The following RMDN2 variants were observed in gnomAD, a reference collection of about 807,000 sequenced individuals.
RMDN2 encodes regulator of microtubule dynamics 2, also known as regulator of microtubule dynamics protein 2.
A neutral mutation model predicts 52.8 loss-of-function variants in RMDN2; 61 were observed. That is an observed-to-expected ratio of 1.16 (90% CI 0.94 to 1.43). The LOEUF is 1.43. Ranked by LOEUF, RMDN2 falls within the 40% of genes most tolerant of loss-of-function variation. The pLI, the probability that RMDN2 is intolerant of heterozygous loss-of-function variation, is 0.00. For synonymous variants in RMDN2, 180 were observed against 153.1 expected (o/e 1.18, Z -1.30); for missense variants, 592 against 475.3 (o/e 1.25, Z -2.28).
intron 2 of RMDN2, chr2:37,950,360 A>G (rs887320998): frequency 7.6e-6 from 10 of 1,316,002 alleles, no homozygotes; most frequent in African/African-American, 5.8e-5. Flanking sequence ...GTGAATTCCA[A>G]CTTCGGAGAA....
chr2:37,947,174 G>A (rs1572740341), intron 2 of RMDN2, among the ~76,000 whole-genome samples: 1 of 151,888 alleles, frequency 6.6e-6, no homozygotes, highest in East Asian at 1.9e-4. Context: ...TACCTGTTAG[G>A]TAGTTTCTCA....
chr2:37,997,599 C>G, intron 8 of RMDN2, 85 bp downstream of exon 8: 1 of 896,132 alleles, frequency 1.1e-6, no homozygotes, highest in East Asian at 2.4e-5. Context: ...GAAATCTTTT[C>G]TCCATGTGGA....
chr2:38,004,102 A>G, intron 9 of RMDN2, 34 bp from the exon 10 acceptor site: 1 of 1,607,622 alleles, frequency 6.2e-7, no homozygotes, highest in Non-Finnish European at 8.5e-7. Context: ...ATAAAAACGG[A>G]TTATGTTTAA....
At chr2:37,950,442 G>GTGTTGACATGTTAACTGTTATTGCCA in intron 2 of RMDN2, 3 of 1,609,000 alleles carry the variant, frequency 1.9e-6, no homozygotes, top group Non-Finnish European at 2.5e-6. Flanking sequence ...ATCACATTCT[G>GTGTTGACATGTTAACTGTTATTGCCA]TGTTATTGCC....
intron 7 of RMDN2, among the ~76,000 whole-genome samples, chr2:37,994,217 G>A (rs1469025229): frequency 6.6e-6 from 1 of 152,220 alleles, no homozygotes; most frequent in Non-Finnish European, 1.5e-5. Context: ...TTTTGGAAAT[G>A]TGGGATACAG....
At chr2:38,015,033 T>C (rs1678552276) in intron 10 of RMDN2, among the ~76,000 whole-genome samples, 1 of 152,250 alleles carries the variant, frequency 6.6e-6, no homozygotes. Context: ...TGTTTAAATA[T>C]TTAAGACTTG....
chr2:38,009,742 G>A (rs530536492), intron 10 of RMDN2, among the ~76,000 whole-genome samples: 14 of 152,110 alleles, frequency 9.2e-5, no homozygotes, highest in African/African-American at 2.4e-4. Context: ...GCTTTGTTCC[G>A]TTGCTGGTGA....
At chr2:37,947,634 A>G (rs916345937) in intron 2 of RMDN2, among the ~76,000 whole-genome samples, 7 of 152,182 alleles carry the variant, frequency 4.6e-5, no homozygotes, top group African/African-American at 1.4e-4. Context: ...GGCACATTTG[A>G]TAAACTATAA....
At chr2:37,925,160 G>A (rs1666162994), upstream of RMDN2, among the ~76,000 whole-genome samples, 2 of 152,284 alleles carry the variant, frequency 1.3e-5, no homozygotes, top group East Asian at 1.9e-4. Context: ...GCCCCGCGAC[G>A]TGCAATTTTA....
chr2:38,019,824 C>G (rs1679203413), downstream of RMDN2, among the ~76,000 whole-genome samples: 1 of 152,030 alleles, frequency 6.6e-6, no homozygotes, highest in Non-Finnish European at 1.5e-5. Flanking sequence ...ACTTGGGAGG[C>G]TGAGGTGGGA....
chr2:37,942,316 A>G (rs937513993), intron 2 of RMDN2, among the ~76,000 whole-genome samples: 1 of 152,056 alleles, frequency 6.6e-6, no homozygotes, highest in South Asian at 2.1e-4. Context: ...GTCTTGCTGG[A>G]TGCTGCAGAC....
downstream of RMDN2, among the ~76,000 whole-genome samples, chr2:38,018,328 AAG>A (rs1160119641): frequency 4.6e-5 from 7 of 152,348 alleles, no homozygotes; most frequent in African/African-American, 1.7e-4. Context: ...GAAAATATAA[AAG>A]AAAAAATTTA....
chr2:38,004,229 A>G lies in RMDN2; in HGVS notation c.1179+13A>G. 2 of 1,561,042 alleles carry G rather than the reference A, an allele frequency of 1.3e-6. No homozygotes were observed. The highest frequency in any genetic ancestry group is 1.8e-6 in the Non-Finnish European group (2 of 1,131,784). ...TGTTACCAAAGAGGTAAGTCCAGAA[A>G]GTGACAGTGAGTGCTGTTGTCTTGT... On this transcript the variant is annotated intron_variant, in intron 10 of 10. Coordinates refer to ENST00000354545, the MANE Select transcript of RMDN2 (RefSeq NM_001170791.3).
rs149752868 is a variant in RMDN2, at chr2:38,039,093, CAGAGAG to C, written c.1714-27883_1714-27878del. 4.2e-3 allele frequency among the ~76,000 whole-genome samples: 384 copies of C among 91,682 alleles called. 3 individuals carry two copies. Among genetic ancestry groups the C allele is most frequent in the Non-Finnish European group, 6.5e-3 (194 of 30,048 alleles). 60.1% of individuals were successfully genotyped at this position (91,682 alleles called of 152,430 possible). A position where few individuals can be genotyped will look rare whatever the true frequency, so the allele number is the denominator to read the frequency against. ...ACACACACACACACACACACACACA[CAGAGAG>C]AGAGATAAAATGTTCATGGATTAAG... On this transcript the variant is annotated intron_variant, in intron 10 of 10. Transcript: ENST00000234195.
At position 37,989,544 on chromosome 2, in the gene RMDN2, T is replaced by C; in HGVS notation, c.795T>C (p.Tyr265=). 6.2e-7 allele frequency: 1 copy of C among 1,611,658 alleles called. No homozygotes were observed. Among genetic ancestry groups the C allele is most frequent in the Non-Finnish European group, 8.5e-7 (1 of 1,178,512 alleles). Reference sequence around the variant, plus strand: ...TGTCTGTTTTTGTCCTTTTCAGGTATGCAGTTTTGTGTGGCTATGTATCTG... The same window carrying C: ...TGTCTGTTTTTGTCCTTTTCAGGTACGCAGTTTTGTGTGGCTATGTATCTG... ...APMNGHCHLW[Y]AVLCGYVSEF... The change falls in exon 6 of 11, where the codon TAT becomes TAC. Residue 265 remains tyrosine (Y), a synonymous_variant. Coordinates refer to ENST00000354545, the MANE Select transcript of RMDN2 (RefSeq NM_001170791.3).
chr2:38,030,558 A>G (rs1463768770), intron 10 of RMDN2: 1 of 152,230 alleles, frequency 6.6e-6, no homozygotes, highest in African/African-American at 2.4e-5. Flanking sequence ...AAGCACATAT[A>G]TTATGTTTAC....
intron 2 of RMDN2, among the ~76,000 whole-genome samples, chr2:37,956,894 G>A (rs1450400535): frequency 6.6e-6 from 1 of 152,050 alleles, no homozygotes. Flanking sequence ...TTATGAGTGA[G>A]AACATGCAGT....
intron 10 of RMDN2, among the ~76,000 whole-genome samples, chr2:38,065,438 C>T (rs1385999913): frequency 6.6e-6 from 1 of 151,916 alleles, no homozygotes; most frequent in East Asian, 1.9e-4. Flanking sequence ...TGACTCTTAG[C>T]TCTGACCCAA....
intron 8 of RMDN2, among the ~76,000 whole-genome samples, chr2:37,999,226 C>T (rs1405097189): frequency 1.3e-5 from 2 of 152,146 alleles, no homozygotes; most frequent in Non-Finnish European, 2.9e-5. Context: ...CTGGTTAAAT[C>T]TCAGCTCTAC....
Sources: gnomAD v4.1 joint callset for allele counts (sites outside exome capture counted in the v4.1 genomes callset) on GRCh38, gnomAD v4.1.1 for gene constraint, MANE v1.5 for transcripts, NCBI Gene and HGNC (gene_info 2026-07-23, HGNC 2026-07-21) for gene names.